MSRA: variants seen among roughly 807,000 people sequenced by gnomAD.
MSRA encodes the protein methionine sulfoxide reductase A.
Under a neutral mutation model 31.3 loss-of-function variants are expected in MSRA, and 54 were observed. The observed-to-expected ratio is 1.73, with a 90% CI of 1.39 to 2.17. MSRA has a LOEUF of 2.17. Ranked by LOEUF, MSRA falls within the 30% of genes most tolerant of loss-of-function variation. The probability of loss-of-function intolerance (pLI) is 0.00; values close to 1 mark genes in which losing one functional copy is unlikely to be tolerated. For synonymous variants in MSRA, 169 were observed against 116.5 expected, an observed-to-expected ratio of 1.45 and a Z score of -2.90; for missense variants, 507 against 300.9, an observed-to-expected ratio of 1.69 and a Z score of -5.07.
Position 10,054,483 on chromosome 8 carries a change from T to C in MSRA, c.-34T>C. ...TGCGGCTCCGCTGCCGGTAGCGCCGTCCCCCGGGACCACCCTTCGGCTGGC... is the reference window on the plus strand; with the variant it reads ...TGCGGCTCCGCTGCCGGTAGCGCCGCCCCCCGGGACCACCCTTCGGCTGGC... On this transcript the variant is annotated 5_prime_UTR_variant, in exon 1 of 6. Transcript: ENST00000317173. 1 of 1,537,178 alleles carries C rather than the reference T, an allele frequency of 6.5e-7. No homozygotes were observed. Among genetic ancestry groups the C allele is most frequent in the Admixed American group, 1.9e-5 (1 of 51,802 alleles).
intron 1 of MSRA, among the ~76,000 whole-genome samples, chr8:10,150,102 G>C (rs575290058): frequency 6.6e-6 from 1 of 151,842 alleles, no homozygotes; most frequent in African/African-American, 2.4e-5. Context: ...TGAAACTACA[G>C]GAATGCCGAG....
At chr8:10,106,019 G>T (rs552401776) in intron 1 of MSRA, among the ~76,000 whole-genome samples, 1 of 152,154 alleles carries the variant, frequency 6.6e-6, no homozygotes, top group Non-Finnish European at 1.5e-5. Flanking sequence ...AATTGGAATC[G>T]GAAAGGATAC....
intron 5 of MSRA, among the ~76,000 whole-genome samples, chr8:10,352,017 T>C (rs188798299): frequency 4.3e-4 from 65 of 152,336 alleles, no homozygotes; most frequent in African/African-American, 1.5e-3. Context: ...CTTAGTCGAA[T>C]CACTAAGATT....
chr8:10,387,859 A>G (rs1806489773), intron 5 of MSRA, among the ~76,000 whole-genome samples: 1 of 152,158 alleles, frequency 6.6e-6, no homozygotes, highest in Non-Finnish European at 1.5e-5. Flanking sequence ...CTGGGGAGAA[A>G]CAAGGTGGTT....
At chr8:10,100,337 A>C (rs1441799958) in intron 1 of MSRA, among the ~76,000 whole-genome samples, 1 of 152,058 alleles carries the variant, frequency 6.6e-6, no homozygotes, top group Non-Finnish European at 1.5e-5. Flanking sequence ...GAGGGGCTGG[A>C]ATTTAGCCTC....
chr8:10,147,115 A>G (rs1338675261), intron 1 of MSRA, among the ~76,000 whole-genome samples: 4 of 152,166 alleles, frequency 2.6e-5, no homozygotes, highest in Admixed American at 2.6e-4. Context: ...CAGAGAGCAG[A>G]ATGTCAGCAG....
At chr8:10,401,051 G>T (rs182042908) in intron 5 of MSRA, among the ~76,000 whole-genome samples, 14 of 151,772 alleles carry the variant, frequency 9.2e-5, no homozygotes, top group Admixed American at 9.2e-4. Flanking sequence ...AAAAGAAATT[G>T]GATTTCATCA....
intron 3 of MSRA, among the ~76,000 whole-genome samples, chr8:10,280,524 G>T (rs1799565940): frequency 6.6e-6 from 1 of 152,132 alleles, no homozygotes; most frequent in African/African-American, 2.4e-5. Flanking sequence ...ATAGTCTTAA[G>T]CTAGACAACT....
intron 1 of MSRA, among the ~76,000 whole-genome samples, chr8:10,152,318 C>T (rs909359619): frequency 1.3e-5 from 2 of 152,006 alleles, no homozygotes; most frequent in African/African-American, 4.8e-5. Context: ...TAAATATGTC[C>T]AATGTAAAAT....
chr8:10,283,130 A>ACG (rs1799713298), intron 3 of MSRA, among the ~76,000 whole-genome samples: 1 of 62,520 alleles, frequency 1.6e-5, no homozygotes, highest in Non-Finnish European at 3.1e-5. Context: ...TATTCACATT[A>ACG]CACACACACA....
At chr8:10,298,475 G>A (rs1446811010) in intron 3 of MSRA, among the ~76,000 whole-genome samples, 1 of 152,124 alleles carries the variant, frequency 6.6e-6, no homozygotes, top group Non-Finnish European at 1.5e-5. Context: ...GTGGGAGCGG[G>A]CAAGGGGAGT....
chr8:10,373,687 C>A (rs1805601338), intron 5 of MSRA, among the ~76,000 whole-genome samples: 2 of 152,354 alleles, frequency 1.3e-5, no homozygotes, highest in South Asian at 4.1e-4. Flanking sequence ...AGCATGACTG[C>A]AGGCACAGGG....
At chr8:10,357,422 G>A (rs1035087432) in intron 5 of MSRA, among the ~76,000 whole-genome samples, 28 of 152,192 alleles carry the variant, frequency 1.8e-4, no homozygotes, top group African/African-American at 6.3e-4. Context: ...CAATTAGGTC[G>A]TTTTCAATAA....
chr8:10,078,941 C>T (rs942050416), intron 1 of MSRA, among the ~76,000 whole-genome samples: 3 of 152,192 alleles, frequency 2.0e-5, no homozygotes, highest in Non-Finnish European at 2.9e-5. Flanking sequence ...AGTGGTCCCT[C>T]GCTAGCTTTT....
chr8:10,083,811 G>A (rs1186752212), intron 1 of MSRA, among the ~76,000 whole-genome samples: 2 of 152,114 alleles, frequency 1.3e-5, no homozygotes, highest in Middle Eastern at 3.4e-3. Flanking sequence ...TATTCACGAT[G>A]TTTCAGACCT....
intron 2 of MSRA, among the ~76,000 whole-genome samples, chr8:10,234,319 G>A (rs747509018): frequency 3.3e-5 from 5 of 152,162 alleles, no homozygotes; most frequent in Admixed American, 6.6e-5. Flanking sequence ...TTACACTGCG[G>A]TAATGAGATA....
intron 3 of MSRA, among the ~76,000 whole-genome samples, chr8:10,288,323 T>A (rs1282974226): frequency 6.6e-6 from 1 of 152,190 alleles, no homozygotes; most frequent in Non-Finnish European, 1.5e-5. Context: ...CATTTTCATA[T>A]GTAAGATATT....
chr8:10,196,616 C>G (rs1296312105), intron 1 of MSRA, among the ~76,000 whole-genome samples: 3 of 152,126 alleles, frequency 2.0e-5, no homozygotes, highest in Non-Finnish European at 4.4e-5. Context: ...GTGGTGCAAT[C>G]TCGACTCATC....
At chr8:10,391,230 T>C (rs1380376309) in intron 5 of MSRA, among the ~76,000 whole-genome samples, 3 of 152,196 alleles carry the variant, frequency 2.0e-5, no homozygotes, top group African/African-American at 7.2e-5. Flanking sequence ...CAAGTGAACC[T>C]AGTTTGAAAA....
Sources: allele counts gnomAD v4.1 joint callset (sites outside exome capture counted in the v4.1 genomes callset), GRCh38; gene constraint gnomAD v4.1.1; transcripts MANE v1.5; gene names NCBI Gene and HGNC (gene_info 2026-07-23, HGNC 2026-07-21).